Variants in EFCAB5 observed in about 807,000 individuals in gnomAD.
EFCAB5 encodes EF-hand calcium-binding domain-containing protein 5.
A neutral mutation model predicts 167.9 loss-of-function variants in EFCAB5; 131 were observed. The ratio of observed to expected loss-of-function variants is 0.78; its 90% CI spans 0.68 to 0.90. The LOEUF is 0.90. EFCAB5 is among the 40% of genes least tolerant of loss of function. The pLI is 0.00. For synonymous variants in EFCAB5, 574 were observed against 602.8 expected (o/e 0.95, Z 0.70); for missense variants, 1,663 against 1,745.2 (o/e 0.95, Z 0.84).
At chr17:29,985,578 A>G (rs1026824834) in intron 4 of EFCAB5, among the ~76,000 whole-genome samples, 6 of 152,210 alleles carry the variant, frequency 3.9e-5, no homozygotes, top group Non-Finnish European at 7.4e-5. Context: ...CATTGTTTCT[A>G]TGGATTGTAG....
At chr17:30,008,747 T>C (rs1489109447) in intron 7 of EFCAB5, among the ~76,000 whole-genome samples, 1 of 152,180 alleles carries the variant, frequency 6.6e-6, no homozygotes, top group African/African-American at 2.4e-5. Context: ...TTTAAACTTT[T>C]TTTGGTAGCA....
At chr17:30,082,390 C>CTTTTTTTTTTT (rs71138871) in intron 17 of EFCAB5, among the ~76,000 whole-genome samples, 5 of 98,248 alleles carry the variant, frequency 5.1e-5, no homozygotes, top group East Asian at 2.8e-4. Flanking sequence ...CTTTATACCT[C>CTTTTTTTTTTT]TTTTTTTTTT....
intron 8 of EFCAB5, among the ~76,000 whole-genome samples, chr17:30,036,728 C>G (rs545452027): frequency 6.6e-6 from 1 of 152,088 alleles, no homozygotes; most frequent in African/African-American, 2.4e-5. Flanking sequence ...CATCCAGCCT[C>G]GAATGTATCT....
At chr17:29,962,066 T>C (rs2067730187) in intron 3 of EFCAB5, among the ~76,000 whole-genome samples, 1 of 152,236 alleles carries the variant, frequency 6.6e-6, no homozygotes, top group Admixed American at 6.5e-5. Flanking sequence ...CTTACTCCAG[T>C]ACTGTTTTAT....
intron 15 of EFCAB5, among the ~76,000 whole-genome samples, chr17:30,078,796 T>A (rs1208849617): frequency 6.6e-6 from 1 of 152,194 alleles, no homozygotes; most frequent in Non-Finnish European, 1.5e-5. Flanking sequence ...AAGCCTAGAA[T>A]GGACAATAGA....
At chr17:30,051,976 T>A (rs573676920) in intron 9 of EFCAB5, among the ~76,000 whole-genome samples, 3 of 152,226 alleles carry the variant, frequency 2.0e-5, no homozygotes, top group South Asian at 4.1e-4. Flanking sequence ...TATTTTTTTT[T>A]ATTTTATGTT....
intron 7 of EFCAB5, among the ~76,000 whole-genome samples, chr17:30,007,905 C>G (rs1341783133): frequency 6.6e-6 from 1 of 151,834 alleles, no homozygotes; most frequent in African/African-American, 2.4e-5. Flanking sequence ...AGGAGGATTG[C>G]TTGAGCCTGG....
chr17:30,079,265 A>T (rs2070933424), intron 15 of EFCAB5, among the ~76,000 whole-genome samples: 1 of 152,160 alleles, frequency 6.6e-6, no homozygotes, highest in Admixed American at 6.5e-5. Context: ...CATTGTTCTA[A>T]CTTGCTTCAG....
At chr17:30,105,594 G>A (rs577764202) in intron 22 of EFCAB5, among the ~76,000 whole-genome samples, 20 of 152,258 alleles carry the variant, frequency 1.3e-4, no homozygotes, top group African/African-American at 3.6e-4. Flanking sequence ...GTCTAGTATT[G>A]CTCATAAAAT....
intron 4 of EFCAB5, among the ~76,000 whole-genome samples, chr17:29,977,816 G>A (rs954084130): frequency 3.9e-5 from 6 of 152,162 alleles, no homozygotes; most frequent in Non-Finnish European, 8.8e-5. Context: ...TTCAAGAAGC[G>A]AGGGACACAG....
chr17:30,014,855 T>C (rs754804776), intron 7 of EFCAB5, among the ~76,000 whole-genome samples: 3 of 152,190 alleles, frequency 2.0e-5, no homozygotes, highest in Non-Finnish European at 4.4e-5. Context: ...TGTTAGCTGG[T>C]TATGTTGCCT....
intron 15 of EFCAB5, 144 bp from the exon 16 acceptor site, chr17:30,079,928 G>T (rs1404046634): frequency 2.1e-6 from 2 of 941,042 alleles, no homozygotes; most frequent in Non-Finnish European, 3.0e-6. Context: ...TTTCCCCACT[G>T]CCCATGAATA....
At position 30,082,079 on chromosome 17, in the gene EFCAB5, C is replaced by A. The variant is rs533387445; in HGVS notation, c.3427-812C>A. ...CCATCCCTTCTCTGTGGAACAGGGT[C>A]TCCTTATGCCTGTAAGAGGACTACG... On this transcript the variant is annotated intron_variant, in intron 17 of 22. Coordinates refer to ENST00000394835, the MANE Select transcript of EFCAB5 (RefSeq NM_198529.4). 2.6e-5 allele frequency among the ~76,000 whole-genome samples: 4 copies of A among 152,228 alleles called. No individual in the cohort carries two copies. The East Asian group carries it at 7.7e-4, about 29-fold the overall frequency.
chr17:29,961,701 A>G (rs879361014), intron 3 of EFCAB5, among the ~76,000 whole-genome samples: 4 of 151,728 alleles, frequency 2.6e-5, no homozygotes, highest in Non-Finnish European at 4.4e-5. Context: ...ATCCCCTCCT[A>G]CCTCAGCTTC....
chr17:29,995,943 T>G (rs920530320), intron 5 of EFCAB5, among the ~76,000 whole-genome samples: 2 of 152,196 alleles, frequency 1.3e-5, no homozygotes, highest in African/African-American at 2.4e-5. Flanking sequence ...AAATTTAATG[T>G]TTTTGCTTCA....
chr17:30,069,052 T>C, intron 14 of EFCAB5: 1 of 1,408,724 alleles, frequency 7.1e-7, no homozygotes, highest in Non-Finnish European at 1.0e-6. Context: ...TGAAGATTAC[T>C]TAAAAAAAGT....
intron 16 of EFCAB5, among the ~76,000 whole-genome samples, 198 bp from the exon 17 acceptor site, chr17:30,080,550 GTTTTT>G (rs5819877): frequency 5.4e-5 from 8 of 147,752 alleles, no homozygotes; most frequent in South Asian, 2.2e-4. Context: ...ATCCAAGCTT[GTTTTT>G]TTTTTTTTTG....
At chr17:30,023,959 A>C (rs1272451320) in intron 7 of EFCAB5, among the ~76,000 whole-genome samples, 1 of 152,208 alleles carries the variant, frequency 6.6e-6, no homozygotes, top group Admixed American at 6.5e-5. Flanking sequence ...GATGCAGAAA[A>C]GGCCTTTGAC....
intron 10 of EFCAB5, among the ~76,000 whole-genome samples, chr17:30,055,183 G>A (rs920307175): frequency 5.3e-5 from 8 of 151,958 alleles, no homozygotes; most frequent in African/African-American, 1.5e-4. Flanking sequence ...TCTCGGCTAC[G>A]CAGGAGGCTG....
Sources: allele counts gnomAD v4.1 joint callset (sites outside exome capture counted in the v4.1 genomes callset), GRCh38; gene constraint gnomAD v4.1.1; transcripts MANE v1.5; gene names NCBI Gene and HGNC (gene_info 2026-07-23, HGNC 2026-07-21).